The following PXDNL variants were observed in gnomAD, a reference collection of about 807,000 sequenced individuals.
The protein encoded by PXDNL is probable oxidoreductase PXDNL.
Under a neutral mutation model 150.8 loss-of-function variants are expected in PXDNL, and 145 were observed. The observed-to-expected ratio is 0.96, with a 90% CI of 0.84 to 1.10. PXDNL has a LOEUF of 1.10. Ranked by LOEUF, PXDNL falls within the 50% of genes least tolerant of loss-of-function variation. PXDNL has a pLI of 0.00. For missense variants in PXDNL, 2,087 were observed against 1,873.9 expected (o/e 1.11, Z -2.10); for synonymous variants, 757 against 725.7 (o/e 1.04, Z -0.69).
At chr8:51,476,128 A>G (rs1810470055) in intron 6 of PXDNL, among the ~76,000 whole-genome samples, 1 of 147,912 alleles carries the variant, frequency 6.8e-6, no homozygotes, top group Admixed American at 6.7e-5. Flanking sequence ...AAAAAGCTGT[A>G]AGCACTGAAG....
intron 3 of PXDNL, among the ~76,000 whole-genome samples, chr8:51,563,196 G>A (rs1176445517): frequency 1.3e-5 from 2 of 151,992 alleles, no homozygotes; most frequent in African/African-American, 4.8e-5. Flanking sequence ...AAAGTACATA[G>A]ACTGGATGGC....
intron 4 of PXDNL, among the ~76,000 whole-genome samples, chr8:51,547,878 T>G (rs561922983): frequency 1.6e-4 from 24 of 152,252 alleles, no homozygotes; most frequent in African/African-American, 5.8e-4. Flanking sequence ...ATTCAGAAAG[T>G]TGATTATTAA....
intron 2 of PXDNL, among the ~76,000 whole-genome samples, chr8:51,602,701 T>G (rs1267164271): frequency 1.3e-5 from 2 of 151,686 alleles, no homozygotes; most frequent in Admixed American, 1.3e-4. Flanking sequence ...TATTTTCACT[T>G]TGTTTTGTAT....
At chr8:51,575,732 T>C (rs986496644) in intron 3 of PXDNL, among the ~76,000 whole-genome samples, 1 of 151,676 alleles carries the variant, frequency 6.6e-6, no homozygotes, top group Non-Finnish European at 1.5e-5. Flanking sequence ...AAGACAAAGA[T>C]TGGCAAAACA....
intron 12 of PXDNL, among the ~76,000 whole-genome samples, chr8:51,435,328 TAAA>T (rs892037820): frequency 2.1e-5 from 3 of 143,440 alleles, no homozygotes; most frequent in Admixed American, 7.0e-5. Flanking sequence ...CTCAAAAAAC[TAAA>T]AAAAAAAAGT....
intron 2 of PXDNL, among the ~76,000 whole-genome samples, chr8:51,609,185 C>T (rs575609224): frequency 1.3e-5 from 2 of 152,292 alleles, no homozygotes; most frequent in East Asian, 1.9e-4. Context: ...AATAAATCTT[C>T]TTGATTACTT....
At chr8:51,382,437 T>C (rs1378491507) in intron 17 of PXDNL, among the ~76,000 whole-genome samples, 1 of 152,180 alleles carries the variant, frequency 6.6e-6, no homozygotes, top group East Asian at 1.9e-4. Flanking sequence ...AAAACTAATA[T>C]AATTATGACC....
chr8:51,533,304 C>T (rs1238881435), intron 4 of PXDNL, among the ~76,000 whole-genome samples: 1 of 152,074 alleles, frequency 6.6e-6, no homozygotes, highest in African/African-American at 2.4e-5. Flanking sequence ...GCATGCACCA[C>T]CACGCCTGGC....
intron 1 of PXDNL, among the ~76,000 whole-genome samples, chr8:51,746,039 G>A (rs1293127339): frequency 5.9e-5 from 9 of 152,198 alleles, no homozygotes; most frequent in African/African-American, 1.7e-4. Context: ...GATTACAGGC[G>A]TGAGCCACCG....
Position 51,760,845 on chromosome 8 carries a change from C to CTTTTTTTTTTTTTTT in PXDNL, c.164+48321_164+48335dup, listed in dbSNP as rs71237237. Among the ~76,000 whole-genome samples, 337 of 45,480 alleles carry CTTTTTTTTTTTTTTT rather than the reference C, an allele frequency of 7.4e-3. 122 individuals carry two copies. Among genetic ancestry groups the CTTTTTTTTTTTTTTT allele is most frequent in the East Asian group, 0.014 (13 of 954 alleles). The allele number at this position is 45,480 out of a possible 152,430, so 29.8% of individuals were successfully genotyped here. The stretch of plus-strand genomic sequence containing the variant: ...GTTAGCCTGAAGGAAATCACTTAAA[C>CTTTTTTTTTTTTTTT]TTTTTTTTTTTTTTTTTTTTTTTTT... On this transcript the variant is annotated intron_variant, in intron 1 of 22. Coordinates refer to ENST00000356297, the MANE Select transcript of PXDNL (RefSeq NM_144651.5).
At chr8:51,337,669 G>A (rs1330252957) in intron 21 of PXDNL, among the ~76,000 whole-genome samples, 3 of 151,928 alleles carry the variant, frequency 2.0e-5, no homozygotes, top group African/African-American at 7.3e-5. Flanking sequence ...CTGAGGTCAG[G>A]AGTTTGAGAC....
chr8:51,446,309 A>G (rs1809670749), intron 12 of PXDNL, among the ~76,000 whole-genome samples: 1 of 152,270 alleles, frequency 6.6e-6, no homozygotes, highest in Admixed American at 6.5e-5. Flanking sequence ...GACTTAGGAA[A>G]TTATATCAAA....
At chr8:51,679,511 T>C (rs896894185) in intron 1 of PXDNL, among the ~76,000 whole-genome samples, 3 of 152,166 alleles carry the variant, frequency 2.0e-5, no homozygotes, top group East Asian at 1.9e-4. Context: ...AATATAGAGA[T>C]TGCTGACATT....
chr8:51,712,528 C>T (rs144995499), intron 1 of PXDNL, among the ~76,000 whole-genome samples: 1 of 152,342 alleles, frequency 6.6e-6, no homozygotes, highest in African/African-American at 2.4e-5. Context: ...ATATCCCAAG[C>T]ACCTAGAATC....
At chr8:51,387,193 A>C (rs994726359) in intron 17 of PXDNL, among the ~76,000 whole-genome samples, 1 of 152,240 alleles carries the variant, frequency 6.6e-6, no homozygotes, top group African/African-American at 2.4e-5. Context: ...TCTCCCTTTT[A>C]GACAACATTC....
intron 5 of PXDNL, among the ~76,000 whole-genome samples, chr8:51,485,638 T>C (rs1810713872): frequency 1.3e-5 from 2 of 152,176 alleles, no homozygotes; most frequent in Admixed American, 1.3e-4. Context: ...CTCTGAGTAA[T>C]TTTCCATCCA....
intron 1 of PXDNL, among the ~76,000 whole-genome samples, chr8:51,685,844 G>A (rs2130854791): frequency 6.6e-6 from 1 of 152,182 alleles, no homozygotes; most frequent in East Asian, 1.9e-4. Flanking sequence ...ATATTGTTAT[G>A]TTTTTGTGTT....
chr8:51,648,523 G>C (rs1814971019), intron 2 of PXDNL, among the ~76,000 whole-genome samples: 1 of 152,216 alleles, frequency 6.6e-6, no homozygotes, highest in Non-Finnish European at 1.5e-5. Context: ...AGCCTCTGGA[G>C]GGAAGGCAGT....
chr8:51,643,064 T>C lies in PXDNL; in HGVS notation c.236+11625A>G, dbSNP rs201600754. Among the ~76,000 whole-genome samples the C allele has an allele frequency of 4.6e-5, 7 of 152,098 alleles. No individual in the cohort carries two copies. The East Asian group carries it at 7.7e-4, about 17-fold the overall frequency. On this transcript the variant is annotated intron_variant, in intron 2 of 22. Transcript: ENST00000356297. Reference sequence around the variant, plus strand: ...AAGAGGACACAAACAAATGGAAGAATATTCCATGCTCATGGGTAGGAAGAA... The same window carrying C: ...AAGAGGACACAAACAAATGGAAGAACATTCCATGCTCATGGGTAGGAAGAA...
Sources: gnomAD v4.1 joint callset for allele counts (sites outside exome capture counted in the v4.1 genomes callset) on GRCh38, gnomAD v4.1.1 for gene constraint, MANE v1.5 for transcripts, NCBI Gene and HGNC (gene_info 2026-07-23, HGNC 2026-07-21) for gene names.